CNOT4: variants seen among roughly 807,000 people sequenced by gnomAD.
CNOT4 encodes CCR4-NOT transcription complex subunit 4, also known as CCR4-associated factor 4.
In CNOT4, 8 loss-of-function variants were observed where a neutral mutation model predicts 73.8. The ratio of observed to expected loss-of-function variants is 0.11; its 90% confidence interval spans 0.06 to 0.20. CNOT4 has a LOEUF of 0.20. Among genes scored for constraint, CNOT4 ranks in the 10% least tolerant of loss-of-function variants. CNOT4 has a pLI of 1.00. For synonymous variants in CNOT4, 293 were observed against 321.1 expected (o/e 0.91, Z 0.94); for missense variants, 564 against 883.4 (o/e 0.64, Z 4.58).
intron 1 of CNOT4, among the ~76,000 whole-genome samples, chr7:135,451,115 T>C (rs1044111595): frequency 3.9e-5 from 6 of 152,150 alleles, no homozygotes; most frequent in Admixed American, 2.6e-4. Flanking sequence ...GTAGAAGCAA[T>C]TGCAGGAATG....
At position 135,410,528 on chromosome 7, in the gene CNOT4, G is replaced by T; in HGVS notation, c.808C>A (p.Gln270Lys). Residue 270 changes from glutamine (Q) to lysine (K), a missense_variant, in exon 7 of 12, where the codon CAG (glutamine) becomes AAG (lysine). By Grantham distance (53) the Gln-to-Lys change is moderately conservative. Transcript: ENST00000541284. ...ATCAATACTTACGTATCGTACCTCT[G>T]CAGTGGTGTCACTTTGTTCTTATTT... ...DKNKNKVTPL[Q>K]RYDTPIDKPS... 6.5e-7 allele frequency: 1 copy of T among 1,535,416 alleles called. No homozygotes were observed. The highest frequency in any genetic ancestry group is 8.8e-7 in the Non-Finnish European group (1 of 1,135,394).
intron 1 of CNOT4, among the ~76,000 whole-genome samples, chr7:135,478,607 T>C (rs1442173348): frequency 1.3e-5 from 2 of 151,834 alleles, no homozygotes; most frequent in Non-Finnish European, 2.9e-5. Flanking sequence ...GAGGCTAAGG[T>C]GGGAGGATCT....
At chr7:135,437,468 C>T (rs956189333) in intron 2 of CNOT4, among the ~76,000 whole-genome samples, 1 of 151,666 alleles carries the variant, frequency 6.6e-6, no homozygotes, top group South Asian at 2.1e-4. Flanking sequence ...GGATTACAGG[C>T]GTGAGCCACC....
chr7:135,382,863 G>C (rs1169806648), intron 10 of CNOT4, among the ~76,000 whole-genome samples: 2 of 152,112 alleles, frequency 1.3e-5, no homozygotes, highest in African/African-American at 4.8e-5. Context: ...GAGAATCCAA[G>C]AATTTTGCAA....
At chr7:135,476,330 T>G (rs1450721799) in intron 1 of CNOT4, among the ~76,000 whole-genome samples, 2 of 152,174 alleles carry the variant, frequency 1.3e-5, no homozygotes, top group Non-Finnish European at 2.9e-5. Context: ...ACAATCACAC[T>G]GCCTTCCTAT....
chr7:135,399,445 T>A (rs1043481513), intron 7 of CNOT4, among the ~76,000 whole-genome samples: 71 of 152,214 alleles, frequency 4.7e-4, no homozygotes, highest in African/African-American at 1.6e-3. Flanking sequence ...AAAAGTTATT[T>A]CTAATTATAT....
chr7:135,392,602 G>T (rs981866884), intron 10 of CNOT4, among the ~76,000 whole-genome samples: 2 of 152,126 alleles, frequency 1.3e-5, no homozygotes, highest in Non-Finnish European at 1.5e-5. Context: ...TCATGTAGAA[G>T]AAGAGGACTG....
intron 6 of CNOT4, among the ~76,000 whole-genome samples, chr7:135,413,184 T>C (rs1425751562): frequency 6.6e-6 from 1 of 151,978 alleles, no homozygotes. Flanking sequence ...TAAGTTCTGG[T>C]TGTAAATTCC....
At chr7:135,433,899 T>C (rs1173101117) in intron 2 of CNOT4, among the ~76,000 whole-genome samples, 1 of 152,182 alleles carries the variant, frequency 6.6e-6, no homozygotes, top group African/African-American at 2.4e-5. Context: ...CCAAGTAGCC[T>C]GTGCCTGTGT....
At chr7:135,475,937 G>C (rs149773717) in intron 1 of CNOT4, among the ~76,000 whole-genome samples, 133 of 152,052 alleles carry the variant, frequency 8.7e-4, no homozygotes, top group African/African-American at 3.1e-3. Flanking sequence ...AAATAAAAAT[G>C]AGGGAAAAAA....
chr7:135,426,819 A>G (rs1320982324), intron 2 of CNOT4, among the ~76,000 whole-genome samples: 1 of 151,438 alleles, frequency 6.6e-6, no homozygotes, highest in African/African-American at 2.4e-5. Flanking sequence ...GCTACTCAGG[A>G]GGCTGAGGCA....
intron 1 of CNOT4, among the ~76,000 whole-genome samples, chr7:135,462,432 G>A (rs926475066): frequency 6.6e-6 from 1 of 152,062 alleles, no homozygotes; most frequent in Non-Finnish European, 1.5e-5. Context: ...TGCACTCTAA[G>A]AGAAAAGGGG....
At chr7:135,496,620 A>G (rs528710433) in intron 1 of CNOT4, among the ~76,000 whole-genome samples, 114 of 149,212 alleles carry the variant, frequency 7.6e-4, no homozygotes, top group Non-Finnish European at 1.3e-3. Flanking sequence ...ACTATCCTGA[A>G]TCTTCCTATT....
intron 3 of CNOT4, among the ~76,000 whole-genome samples, chr7:135,416,487 T>C (rs1797878570): frequency 6.6e-6 from 1 of 152,148 alleles, no homozygotes; most frequent in African/African-American, 2.4e-5. Context: ...CTGAGGGATA[T>C]GATAGTAACA....
At position 135,362,736 on chromosome 7, in the gene CNOT4, T is replaced by G. The variant is rs750708045; in HGVS notation, c.*149A>C. 1 of 808,002 alleles carries G rather than the reference T, an allele frequency of 1.2e-6. No homozygotes were observed. Among genetic ancestry groups the G allele is most frequent in the Non-Finnish European group, 2.2e-6 (1 of 454,688 alleles). 50.1% of individuals were successfully genotyped at this position (808,002 alleles called of 1,614,324 possible). On this transcript the variant is annotated 3_prime_UTR_variant, in exon 12 of 12. Coordinates refer to ENST00000541284, the MANE Select transcript of CNOT4 (RefSeq NM_001190850.2). The stretch of plus-strand genomic sequence containing the variant: ...AGATGGTAATGACCCTGTGATCGCA[T>G]TGCATCTGGGGTTAGGGAGAAAAAA...
intron 2 of CNOT4, among the ~76,000 whole-genome samples, chr7:135,436,176 T>TA (rs1200202585): frequency 1.3e-5 from 2 of 152,162 alleles, no homozygotes; most frequent in African/African-American, 4.8e-5. Flanking sequence ...ATACTGTTTT[T>TA]ACCTTTAAAA....
At chr7:135,437,791 TATAAA>T (rs1799246623) in intron 2 of CNOT4, among the ~76,000 whole-genome samples, 1 of 152,194 alleles carries the variant, frequency 6.6e-6, no homozygotes, top group South Asian at 2.1e-4. Context: ...CCACATGTAA[TATAAA>T]ATGTTTTTCT....
At chr7:135,503,469 A>AG (rs1196066314) in intron 1 of CNOT4, among the ~76,000 whole-genome samples, 2 of 151,974 alleles carry the variant, frequency 1.3e-5, no homozygotes, top group African/African-American at 4.8e-5. Context: ...AAAAAAAAAG[A>AG]AAAAAAGTTC....
chr7:135,438,394 C>A lies in CNOT4; in HGVS notation c.-63G>T. The A allele has an allele frequency of 7.2e-7, 1 of 1,385,052 alleles. No individual in the cohort carries two copies. Among genetic ancestry groups the A allele is most frequent in the African/African-American group, 1.5e-5 (1 of 68,690 alleles). The allele number at this position is 1,385,052 out of a possible 1,614,324, so 85.8% of individuals were successfully genotyped here. A position where few individuals can be genotyped will look rare whatever the true frequency, so the allele number is the denominator to read the frequency against. On this transcript the variant is annotated 5_prime_UTR_variant, in exon 2 of 12. Coordinates refer to ENST00000541284, the MANE Select transcript of CNOT4 (RefSeq NM_001190850.2). ...ATTTAAGGGAGAAGGAAGTTCAGCACTGAAAGCTAAAATGTAGGACTTTGA... is the reference window on the plus strand; with the variant it reads ...ATTTAAGGGAGAAGGAAGTTCAGCAATGAAAGCTAAAATGTAGGACTTTGA...
Sources: gnomAD v4.1 joint callset for allele counts (sites outside exome capture counted in the v4.1 genomes callset) on GRCh38, gnomAD v4.1.1 for gene constraint, MANE v1.5 for transcripts, NCBI Gene and HGNC (gene_info 2026-07-23, HGNC 2026-07-21) for gene names.